Variants in DMD observed in about 807,000 individuals in gnomAD.
DMD encodes mutant dystrophin.
DMD carries 63 observed loss-of-function variants against 330.1 expected under a neutral mutation model. The ratio of observed to expected loss-of-function variants is 0.19; its 90% confidence interval spans 0.16 to 0.24. The LOEUF is 0.24. Ranked by LOEUF, DMD falls within the 10% of genes least tolerant of loss-of-function variation. The pLI, the probability that DMD is intolerant of heterozygous loss-of-function variation, is 1.00. For synonymous variants in DMD, 1,223 were observed against 959.8 expected, an observed-to-expected ratio of 1.27 and a Z score of -5.07; for missense variants, 3,344 against 2,684.1, an observed-to-expected ratio of 1.25 and a Z score of -5.43.
intron 29 of DMD, among the ~76,000 whole-genome samples, chrX:32,413,709 T>A (rs1170316121): frequency 9.8e-6 from 1 of 101,895 alleles, no homozygotes; most frequent in Non-Finnish European, 2.0e-5. Flanking sequence ...AAAGCTCTAT[T>A]CTTTTTTTTT....
At chrX:32,646,702 C>A (rs890254172) in intron 9 of DMD, among the ~76,000 whole-genome samples, 13 of 111,625 alleles carry the variant, frequency 1.2e-4, no homozygotes, top group African/African-American at 4.2e-4. Context: ...CTGATAAATG[C>A]TCAAATTTTG....
intron 7 of DMD, among the ~76,000 whole-genome samples, chrX:32,700,347 C>T (rs750343032): frequency 1.8e-5 from 2 of 111,108 alleles, no homozygotes; most frequent in African/African-American, 3.3e-5. Flanking sequence ...CTCACTAACA[C>T]ATGGAATCTA....
chrX:32,072,872 A>AT (rs1396833674), intron 44 of DMD, among the ~76,000 whole-genome samples: 12 of 109,999 alleles, frequency 1.1e-4, no homozygotes, highest in East Asian at 2.9e-4. Flanking sequence ...TATTTTCTTA[A>AT]TTTTTTTTTA....
chrX:31,616,920 T>C (rs1009881757), intron 55 of DMD, among the ~76,000 whole-genome samples: 1 of 111,542 alleles, frequency 9.0e-6, no homozygotes, highest in Admixed American at 9.5e-5. Context: ...GAAATGACTA[T>C]ATGATCTGAA....
chrX:33,239,079 A>G lies in DMD; in HGVS notation c.7+100180T>C, dbSNP rs183919587. On this transcript the variant is annotated intron_variant, in intron 1 of 17. Coordinates refer to the DMD transcript ENST00000288447. ...CGAGACCAGCCTGGCCAACATGGTG[A>G]AACACCGTCTCTACTAAAAATACAA... Among the ~76,000 whole-genome samples, 830 of 108,533 alleles carry G rather than the reference A, an allele frequency of 7.6e-3. 10 individuals are homozygous for G. The highest frequency in any genetic ancestry group is 0.027 in the African/African-American group (786 of 29,657). 94.2% of individuals were successfully genotyped at this position (108,533 alleles called of 115,157 possible).
intron 1 of DMD, among the ~76,000 whole-genome samples, chrX:33,304,190 A>G (rs925706363): frequency 1.2e-4 from 13 of 111,639 alleles, no homozygotes; most frequent in Non-Finnish European, 1.5e-4. Context: ...AGTAACCAAA[A>G]CAGCATGGTA....
intron 44 of DMD, among the ~76,000 whole-genome samples, chrX:31,981,061 TAA>T (rs778426299): frequency 1.3e-4 from 15 of 111,486 alleles, no homozygotes; most frequent in Non-Finnish European, 2.3e-4. Context: ...AGACAGAATT[TAA>T]AAGAGTTCAG....
intron 12 of DMD, among the ~76,000 whole-genome samples, chrX:32,605,118 T>C (rs753927700): frequency 1.4e-4 from 15 of 110,547 alleles, no homozygotes; most frequent in Non-Finnish European, 2.5e-4. Context: ...AAGAATAAAG[T>C]TGAAGGCATC....
At chrX:32,918,632 T>C (rs113026808) in intron 2 of DMD, among the ~76,000 whole-genome samples, 24,798 of 111,694 alleles carry the variant, frequency 0.22, 2,445 homozygotes, top group Non-Finnish European at 0.31. Context: ...ATTACAGGCA[T>C]GAGCCACTGC....
chrX:31,234,786 C>A (rs191944564), intron 63 of DMD, among the ~76,000 whole-genome samples: 12 of 111,761 alleles, frequency 1.1e-4, no homozygotes, highest in African/African-American at 3.9e-4. Context: ...AGATTTTATT[C>A]AGGAATATTG....
chrX:31,322,897 C>A (rs1329604640), intron 62 of DMD, among the ~76,000 whole-genome samples: 2 of 111,691 alleles, frequency 1.8e-5, no homozygotes, highest in Non-Finnish European at 3.8e-5. Context: ...TTAAGTTAGA[C>A]TCTAGTGCAC....
At chrX:32,639,406 T>C (rs970321445) in intron 11 of DMD, among the ~76,000 whole-genome samples, 1 of 111,627 alleles carries the variant, frequency 9.0e-6, no homozygotes. Flanking sequence ...TTACTCCTCT[T>C]AAGGGGTTCT....
intron 18 of DMD, among the ~76,000 whole-genome samples, chrX:32,509,624 A>T (rs1569565032): frequency 8.9e-6 from 1 of 112,038 alleles, no homozygotes; most frequent in East Asian, 2.8e-4. Flanking sequence ...AAGCTACTGC[A>T]TTCAATGACT....
chrX:32,680,189 G>A (rs1602915535), intron 9 of DMD, among the ~76,000 whole-genome samples: 1 of 109,794 alleles, frequency 9.1e-6, no homozygotes, highest in Non-Finnish European at 1.9e-5. Context: ...TGGGATTACA[G>A]GCATGAGCCA....
intron 1 of DMD, among the ~76,000 whole-genome samples, chrX:33,218,499 A>G (rs2052098984): frequency 9.0e-6 from 1 of 110,776 alleles, no homozygotes; most frequent in Admixed American, 9.6e-5. Flanking sequence ...GCCTATAGAT[A>G]AAGTGTCTTT....
At chrX:32,319,901 A>G (rs771965878) in intron 41 of DMD, among the ~76,000 whole-genome samples, 7 of 110,683 alleles carry the variant, frequency 6.3e-5, no homozygotes, top group African/African-American at 2.3e-4. Flanking sequence ...TTTCGTTTAC[A>G]TATCTAGTAT....
rs1206316015 is a variant in DMD at position 32,949,621 on chromosome X, T to C, written c.93+70518A>G. On this transcript the variant is annotated intron_variant, in intron 2 of 78. Coordinates refer to ENST00000357033, the MANE Select transcript of DMD (RefSeq NM_004006.3). ...TTGTGTTAGTGTTTCCCATTTCTCC[T>C]TTACATTCAAAGTGTTGCCTGTCCC... Among the ~76,000 whole-genome samples the C allele has an allele frequency of 4.5e-5, 5 of 111,584 alleles. No homozygotes were observed. The Admixed American group carries it at 4.8e-4, about 11-fold the overall frequency.
chrX:32,689,209 A>AT lies in DMD; in HGVS notation c.960+8660dup, dbSNP rs779758746. Among the ~76,000 whole-genome samples, 601 of 110,806 alleles carry AT rather than the reference A, an allele frequency of 5.4e-3. 11 individuals are homozygous for AT. The highest frequency in any genetic ancestry group is 0.019 in the African/African-American group (570 of 30,573). On this transcript the variant is annotated intron_variant, in intron 9 of 78. Coordinates refer to ENST00000357033, the MANE Select transcript of DMD (RefSeq NM_004006.3). ...GTTTTTAAGTTACTTACACTAAATC[A>AT]TTTTTTTAAAAACCTCTAGGTTTTT...
intron 2 of DMD, 137 bp from the exon 3 acceptor site, chrX:32,849,957 T>A: frequency 3.8e-6 from 2 of 527,331 alleles, no homozygotes; most frequent in Admixed American, 3.9e-5. Flanking sequence ...AGATGACGGA[T>A]GAAAAAAGGA....
Sources: allele counts gnomAD v4.1 joint callset (sites outside exome capture counted in the v4.1 genomes callset), GRCh38; gene constraint gnomAD v4.1.1; transcripts MANE v1.5; gene names NCBI Gene and HGNC (gene_info 2026-07-23, HGNC 2026-07-21).